PDSS2: variants seen among roughly 807,000 people sequenced by gnomAD.
PDSS2 encodes all trans-polyprenyl-diphosphate synthase PDSS2.
In PDSS2, 31 loss-of-function variants were observed where a neutral mutation model predicts 44.5. The ratio of observed to expected loss-of-function variants is 0.70; its 90% CI spans 0.52 to 0.94. The LOEUF (loss-of-function observed/expected upper bound fraction) is 0.94, where lower values mean the gene tolerates loss of function less well. Among genes scored for constraint, PDSS2 ranks in the 40% least tolerant of loss-of-function variants. The pLI, the probability that PDSS2 is intolerant of heterozygous loss-of-function variation, is 0.00. For synonymous variants in PDSS2, 157 were observed against 180.3 expected (o/e 0.87, Z 1.03); for missense variants, 452 against 482.2 (o/e 0.94, Z 0.59).
intron 1 of PDSS2, among the ~76,000 whole-genome samples, chr6:107,363,521 C>T (rs1041907122): frequency 8.6e-5 from 13 of 152,036 alleles, no homozygotes; most frequent in Non-Finnish European, 1.8e-4. Flanking sequence ...CTCGTGGTCT[C>T]GCTGGCTTCA....
In PDSS2 at chr6:107,153,076, A is replaced by T. The variant is rs1554244801; in HGVS notation, c.*1543T>A. 1 of 152,600 alleles carries T rather than the reference A, an allele frequency of 6.6e-6. No individual in the cohort carries two copies. Among genetic ancestry groups the T allele is most frequent in the Non-Finnish European group, 1.5e-5 (1 of 68,038 alleles). 9.5% of individuals were successfully genotyped at this position (152,600 alleles called of 1,614,324 possible). On this transcript the variant is annotated 3_prime_UTR_variant, in exon 8 of 8. Coordinates refer to ENST00000369037, the MANE Select transcript of PDSS2 (RefSeq NM_020381.4). ...TTACATTTTCTCTTCATTGCATGCC[A>T]CATGTTGGGCCCTGATAAAATGGTT...
chr6:107,455,161 G>T (rs1781995668), intron 1 of PDSS2, among the ~76,000 whole-genome samples: 1 of 150,384 alleles, frequency 6.6e-6, no homozygotes, highest in Non-Finnish European at 1.5e-5. Flanking sequence ...AGTACTACAA[G>T]GCAGGTTAGG....
At chr6:107,398,728 C>G (rs2114574577) in intron 1 of PDSS2, among the ~76,000 whole-genome samples, 1 of 152,340 alleles carries the variant, frequency 6.6e-6, no homozygotes, top group Non-Finnish European at 1.5e-5. Context: ...ATCTGTCAAA[C>G]CAGCCCATAC....
intron 2 of PDSS2, among the ~76,000 whole-genome samples, chr6:107,327,160 C>T: frequency 6.6e-6 from 1 of 152,002 alleles, no homozygotes; most frequent in East Asian, 1.9e-4. Flanking sequence ...GTGTTTTTTT[C>T]CTCAGATTGG....
chr6:107,250,025 G>C (rs1774760255), intron 3 of PDSS2, among the ~76,000 whole-genome samples: 1 of 151,888 alleles, frequency 6.6e-6, no homozygotes, highest in African/African-American at 2.4e-5. Context: ...TTTTGGCAAG[G>C]GTAACTACAA....
intron 7 of PDSS2, among the ~76,000 whole-genome samples, chr6:107,172,686 C>T (rs1033950149): frequency 1.3e-5 from 2 of 151,784 alleles, no homozygotes; most frequent in African/African-American, 4.8e-5. Context: ...TTTGTGGGCT[C>T]TAGAAAAAAA....
rs530542191 is a variant in PDSS2, at chr6:107,207,437, A to G, written c.1008+3002T>C. Among the ~76,000 whole-genome samples, 68 of 152,304 alleles carry G rather than the reference A, an allele frequency of 4.5e-4. No homozygotes were observed. The South Asian group carries it at 0.014, about 31-fold the overall frequency. ...AGAAAGAGAACTAATTTCAGGATTA[A>G]TAAGCAACCTCCTTGAGATTTAGGG... On this transcript the variant is annotated intron_variant, in intron 6 of 7. Coordinates refer to ENST00000369037, the MANE Select transcript of PDSS2 (RefSeq NM_020381.4).
chr6:107,219,737 T>C (rs977068029), intron 4 of PDSS2, among the ~76,000 whole-genome samples: 1 of 152,254 alleles, frequency 6.6e-6, no homozygotes, highest in Non-Finnish European at 1.5e-5. Context: ...TGATTTCTTA[T>C]ATGTTTCCTT....
chr6:107,343,775 G>C (rs552263151), intron 1 of PDSS2, among the ~76,000 whole-genome samples: 2 of 152,248 alleles, frequency 1.3e-5, no homozygotes, highest in South Asian at 4.1e-4. Flanking sequence ...TGGTGTCATT[G>C]TATAGGTGTT....
intron 7 of PDSS2, among the ~76,000 whole-genome samples, chr6:107,170,662 G>C (rs1352463690): frequency 6.8e-6 from 1 of 147,312 alleles, no homozygotes; most frequent in African/African-American, 2.5e-5. Flanking sequence ...CACCCAGGCT[G>C]GATGCAGTGG....
chr6:107,327,960 CAT>C (rs1777599885), intron 2 of PDSS2, among the ~76,000 whole-genome samples: 1 of 152,216 alleles, frequency 6.6e-6, no homozygotes, highest in African/African-American at 2.4e-5. Flanking sequence ...CACTGTAAAA[CAT>C]GTGTTTCAAA....
chr6:107,176,423 C>CACAT (rs1470948635), intron 7 of PDSS2, among the ~76,000 whole-genome samples: 1 of 68,206 alleles, frequency 1.5e-5, no homozygotes, highest in African/African-American at 7.2e-5. Flanking sequence ...AACACACACA[C>CACAT]ACACATACAC....
intron 1 of PDSS2, among the ~76,000 whole-genome samples, chr6:107,394,436 G>A (rs1465457578): frequency 6.6e-6 from 1 of 152,140 alleles, no homozygotes; most frequent in Non-Finnish European, 1.5e-5. Context: ...AAAAGCAGGA[G>A]CAGGGGAGGG....
At chr6:107,340,259 G>A (rs1329590560) in intron 1 of PDSS2, among the ~76,000 whole-genome samples, 1 of 152,080 alleles carries the variant, frequency 6.6e-6, no homozygotes, top group African/African-American at 2.4e-5. Flanking sequence ...TTCTTCTCTA[G>A]ATCTATAATA....
chr6:107,389,488 T>C (rs1460061833), intron 1 of PDSS2, among the ~76,000 whole-genome samples: 1 of 152,208 alleles, frequency 6.6e-6, no homozygotes, highest in Non-Finnish European at 1.5e-5. Flanking sequence ...GAAACTGCTT[T>C]ACATGTATAC....
intron 1 of PDSS2, among the ~76,000 whole-genome samples, chr6:107,448,093 G>T (rs1017027839): frequency 4.6e-5 from 7 of 152,120 alleles, no homozygotes; most frequent in Non-Finnish European, 8.8e-5. Context: ...CAGCAGGGGG[G>T]GCTGGACCTG....
chr6:107,379,826 T>C (rs970183332), intron 1 of PDSS2, among the ~76,000 whole-genome samples: 1 of 152,132 alleles, frequency 6.6e-6, no homozygotes, highest in African/African-American at 2.4e-5. Flanking sequence ...AAATTGAAAA[T>C]ACTTTTTGTT....
intron 1 of PDSS2, among the ~76,000 whole-genome samples, chr6:107,409,766 C>A (rs756177052): frequency 2.0e-5 from 3 of 152,182 alleles, no homozygotes; most frequent in Non-Finnish European, 4.4e-5. Flanking sequence ...AAAGTAGACA[C>A]GGTTCCTGCC....
At chr6:107,227,202 C>T (rs193047839) in intron 4 of PDSS2, among the ~76,000 whole-genome samples, 1,641 of 146,466 alleles carry the variant, frequency 0.011, 29 homozygotes, top group African/African-American at 0.039. Flanking sequence ...AGGCTGGTCT[C>T]GAACTCCTGA....
Sources: gnomAD v4.1 joint callset for allele counts (sites outside exome capture counted in the v4.1 genomes callset) on GRCh38, gnomAD v4.1.1 for gene constraint, MANE v1.5 for transcripts, NCBI Gene and HGNC (gene_info 2026-07-23, HGNC 2026-07-21) for gene names.